The following DPYS variants were observed in gnomAD, a reference collection of about 807,000 sequenced individuals.
The protein encoded by DPYS is dihydropyrimidine amidohydrolase.
A neutral mutation model predicts 50.3 loss-of-function variants in DPYS; 39 were observed. The observed-to-expected ratio is 0.78, with a 90% CI of 0.60 to 1.01. DPYS has a LOEUF of 1.01. Ranked by LOEUF, DPYS falls within the 50% of genes least tolerant of loss-of-function variation. The pLI, the probability that DPYS is intolerant of heterozygous loss-of-function variation, is 0.00. For missense variants in DPYS, 659 were observed against 680.9 expected (o/e 0.97, Z 0.36); for synonymous variants, 245 against 250.7 (o/e 0.98, Z 0.22).
At position 104,379,729 on chromosome 8, in the gene DPYS, A is replaced by G. The variant is rs766873442; in HGVS notation, c.*129T>C. Reference sequence around the variant, plus strand: ...CTGAAAGAAAATCAAAGAAGCCTATAGTGGTGAATTTTTTCTAAAGGATCC... The same window carrying G: ...CTGAAAGAAAATCAAAGAAGCCTATGGTGGTGAATTTTTTCTAAAGGATCC... On this transcript the variant is annotated 3_prime_UTR_variant, in exon 10 of 10. Transcript: ENST00000351513. The G allele has an allele frequency of 6.6e-6, 3 of 455,148 alleles. No homozygotes were observed. Among genetic ancestry groups the G allele is most frequent in the South Asian group, 4.7e-5 (3 of 64,158 alleles). 28.2% of individuals were successfully genotyped at this position (455,148 alleles called of 1,614,324 possible).
intron 1 of DPYS, among the ~76,000 whole-genome samples, chr8:104,464,182 T>G (rs954553879): frequency 6.6e-6 from 1 of 152,224 alleles, no homozygotes. Context: ...CAGAAATGCT[T>G]AGAGGATCAG....
chr8:104,401,326 A>C (rs989221897), intron 7 of DPYS, among the ~76,000 whole-genome samples: 3 of 144,414 alleles, frequency 2.1e-5, no homozygotes, highest in Admixed American at 1.4e-4. Flanking sequence ...TATTATTATT[A>C]TTCCCATGGG....
intron 7 of DPYS, among the ~76,000 whole-genome samples, chr8:104,419,327 A>T (rs961279699): frequency 2.0e-5 from 3 of 152,202 alleles, no homozygotes; most frequent in African/African-American, 7.2e-5. Flanking sequence ...GGAAGGCTGC[A>T]TCCTTCTCAC....
intron 5 of DPYS, 136 bp downstream of exon 5, chr8:104,429,409 G>A (rs1812869141): frequency 1.8e-6 from 2 of 1,113,788 alleles, no homozygotes; most frequent in Non-Finnish European, 1.3e-6. Flanking sequence ...TGCAGGTGAG[G>A]GGTACCCAGG....
At chr8:104,389,636 C>A (rs755028999) in intron 8 of DPYS, among the ~76,000 whole-genome samples, 12 of 151,456 alleles carry the variant, frequency 7.9e-5, no homozygotes, top group Non-Finnish European at 1.0e-4. Context: ...TAATGCTTAA[C>A]CTAGGGAAAG....
chr8:104,400,007 A>G (rs1811742091), intron 7 of DPYS, among the ~76,000 whole-genome samples: 2 of 151,964 alleles, frequency 1.3e-5, no homozygotes, highest in South Asian at 2.1e-4. Flanking sequence ...AATTTAGAAT[A>G]TTTTGCATGG....
chr8:104,388,370 T>C (rs1056519973), intron 8 of DPYS, among the ~76,000 whole-genome samples: 1 of 152,086 alleles, frequency 6.6e-6, no homozygotes, highest in African/African-American at 2.4e-5. Flanking sequence ...GGTTCCCTAT[T>C]ACTGAAAAAA....
At chr8:104,441,939 G>GA (rs1184570568) in intron 4 of DPYS, among the ~76,000 whole-genome samples, 2 of 151,760 alleles carry the variant, frequency 1.3e-5, no homozygotes, top group Admixed American at 6.6e-5. Flanking sequence ...TTTTCAAGTG[G>GA]AAAAAAAAGC....
At chr8:104,410,031 G>A (rs371399694) in intron 7 of DPYS, among the ~76,000 whole-genome samples, 12 of 152,150 alleles carry the variant, frequency 7.9e-5, no homozygotes, top group African/African-American at 2.9e-4. Context: ...AGTTCCCTTA[G>A]GGTAATAATT....
chr8:104,421,703 A>T (rs946539641), intron 7 of DPYS, among the ~76,000 whole-genome samples: 31 of 152,206 alleles, frequency 2.0e-4, no homozygotes, highest in African/African-American at 7.2e-4. Context: ...GAAATGTAAA[A>T]ACATAGGAGC....
intron 6 of DPYS, among the ~76,000 whole-genome samples, chr8:104,427,184 G>A (rs1258581148): frequency 1.5e-5 from 2 of 136,546 alleles, no homozygotes; most frequent in Admixed American, 7.8e-5. Flanking sequence ...CCGGGCAACA[G>A]AGTGAGACTC....
intron 6 of DPYS, among the ~76,000 whole-genome samples, chr8:104,425,800 T>C (rs1054533489): frequency 1.3e-5 from 2 of 152,104 alleles, no homozygotes; most frequent in Non-Finnish European, 2.9e-5. Flanking sequence ...TTATCCCTAT[T>C]TATATGGTAA....
intron 3 of DPYS, among the ~76,000 whole-genome samples, chr8:104,446,781 T>C (rs768066692): frequency 1.3e-5 from 2 of 152,194 alleles, no homozygotes; most frequent in African/African-American, 2.4e-5. Context: ...TCTTTAAATC[T>C]TGCAGATGGT....
chr8:104,439,732 C>T (rs773279982), intron 4 of DPYS, among the ~76,000 whole-genome samples: 1 of 152,142 alleles, frequency 6.6e-6, no homozygotes, highest in Non-Finnish European at 1.5e-5. Context: ...TGGCAGTTAG[C>T]TAAGACTGTG....
chr8:104,441,579 T>C (rs1241899955), intron 4 of DPYS, among the ~76,000 whole-genome samples: 2 of 152,240 alleles, frequency 1.3e-5, no homozygotes, highest in Non-Finnish European at 2.9e-5. Flanking sequence ...CAACCCATTG[T>C]GGCTGGTGCC....
At chr8:104,460,737 GCAT>G (rs1377542262) in intron 1 of DPYS, among the ~76,000 whole-genome samples, 2 of 152,162 alleles carry the variant, frequency 1.3e-5, no homozygotes, top group South Asian at 2.1e-4. Context: ...GCTTTAGTTA[GCAT>G]CAAGTGGTTT....
In DPYS at chr8:104,413,538, A is replaced by T. The variant is rs576313859; in HGVS notation, c.1235+10709T>A. Among the ~76,000 whole-genome samples the T allele has an allele frequency of 5.3e-5, 8 of 152,192 alleles. No homozygotes were observed. The South Asian group carries it at 1.7e-3, about 32-fold the overall frequency. Reference sequence around the variant, plus strand: ...AAATATTGTACTTTTTAAAAAAATTATGGACGTTGTAAGTTACTGTCTACT... The same window carrying T: ...AAATATTGTACTTTTTAAAAAAATTTTGGACGTTGTAAGTTACTGTCTACT... On this transcript the variant is annotated intron_variant, in intron 7 of 9. Transcript: ENST00000351513.
intron 2 of DPYS, among the ~76,000 whole-genome samples, chr8:104,448,525 A>G (rs1813620433): frequency 6.6e-6 from 1 of 152,156 alleles, no homozygotes; most frequent in Non-Finnish European, 1.5e-5. Context: ...AAAAACTCAT[A>G]GATTTGACCA....
At chr8:104,412,556 A>G (rs1484974087) in intron 7 of DPYS, among the ~76,000 whole-genome samples, 1 of 152,044 alleles carries the variant, frequency 6.6e-6, no homozygotes, top group African/African-American at 2.4e-5. Context: ...GCCTCAGGGG[A>G]CTGGAAGGGG....
Sources: gnomAD v4.1 joint callset for allele counts (sites outside exome capture counted in the v4.1 genomes callset) on GRCh38, gnomAD v4.1.1 for gene constraint, MANE v1.5 for transcripts, NCBI Gene and HGNC (gene_info 2026-07-23, HGNC 2026-07-21) for gene names.